The following GATAD2B variants were observed in gnomAD, a reference collection of about 807,000 sequenced individuals.
The protein encoded by GATAD2B is GATA zinc finger domain containing 2B.
A neutral mutation model predicts 64.3 loss-of-function variants in GATAD2B; 8 were observed. The ratio of observed to expected loss-of-function variants is 0.12; its 90% CI spans 0.07 to 0.22. The LOEUF is 0.22. Among genes scored for constraint, GATAD2B ranks in the 10% least tolerant of loss-of-function variants. GATAD2B has a pLI of 1.00. For synonymous variants in GATAD2B, 281 were observed against 271.3 expected, an observed-to-expected ratio of 1.04 and a Z score of -0.35; for missense variants, 453 against 752.0, an observed-to-expected ratio of 0.60 and a Z score of 4.65.
chr1:153,920,203 A>G (rs1678388308), intron 1 of GATAD2B, among the ~76,000 whole-genome samples: 1 of 152,228 alleles, frequency 6.6e-6, no homozygotes, highest in African/African-American at 2.4e-5. Flanking sequence ...TTTACATGCA[A>G]CACACAAGAC....
At chr1:153,899,719 A>G (rs1677710369) in intron 1 of GATAD2B, among the ~76,000 whole-genome samples, 1 of 152,190 alleles carries the variant, frequency 6.6e-6, no homozygotes, top group Non-Finnish European at 1.5e-5. Context: ...TTGAAGACAG[A>G]CAGTTCTCAT....
At position 153,866,908 on chromosome 1, in the gene GATAD2B, G is replaced by A. The variant is rs542525206; in HGVS notation, c.-1-38560C>T. Among the ~76,000 whole-genome samples the A allele has an allele frequency of 3.3e-5, 5 of 152,218 alleles. No individual in the cohort carries two copies. In the East Asian group the frequency reaches 9.6e-4, roughly 29 times the overall value. ...AGATTCTCCTGCCTCAGCCTCCTAA[G>A]TAGCTGGGATTATAGGCGCACACCA... On this transcript the variant is annotated intron_variant, in intron 1 of 10. Transcript: ENST00000368655.
chr1:153,886,934 T>C (rs1293925492), intron 1 of GATAD2B, among the ~76,000 whole-genome samples: 2 of 152,128 alleles, frequency 1.3e-5, no homozygotes, highest in East Asian at 1.9e-4. Flanking sequence ...CTTAAAATTA[T>C]TCACTGGTGT....
At chr1:153,902,403 C>G (rs1266874492) in intron 1 of GATAD2B, among the ~76,000 whole-genome samples, 3 of 152,102 alleles carry the variant, frequency 2.0e-5, no homozygotes, top group Non-Finnish European at 4.4e-5. Flanking sequence ...GTACTTGTTC[C>G]TAATATGCAA....
chr1:153,905,889 A>G (rs1677912382), intron 1 of GATAD2B, among the ~76,000 whole-genome samples: 1 of 151,780 alleles, frequency 6.6e-6, no homozygotes, highest in Non-Finnish European at 1.5e-5. Flanking sequence ...CAACATGGTG[A>G]AACCCTACCT....
chr1:153,815,795 G>A (rs933736124), intron 7 of GATAD2B, among the ~76,000 whole-genome samples: 1 of 152,202 alleles, frequency 6.6e-6, no homozygotes, highest in African/African-American at 2.4e-5. Context: ...GCTCATGCCT[G>A]TAATCCTAGC....
intron 1 of GATAD2B, among the ~76,000 whole-genome samples, chr1:153,881,693 C>T (rs1677014907): frequency 1.3e-5 from 2 of 152,062 alleles, no homozygotes; most frequent in Non-Finnish European, 2.9e-5. Context: ...CCGTTCCTTC[C>T]TCTAGCTTCC....
chr1:153,855,616 T>C (rs961076943), intron 1 of GATAD2B, among the ~76,000 whole-genome samples: 2 of 152,234 alleles, frequency 1.3e-5, no homozygotes, highest in East Asian at 1.9e-4. Context: ...CAGAAAGTCA[T>C]TAAGTCTAAA....
intron 1 of GATAD2B, among the ~76,000 whole-genome samples, chr1:153,867,000 G>C (rs1393577997): frequency 6.6e-6 from 1 of 152,078 alleles, no homozygotes; most frequent in East Asian, 1.9e-4. Flanking sequence ...GGATGGTCTT[G>C]ATCTCCTGAT....
chr1:153,859,783 ACAATGTTCCTTT>A (rs1361282084), intron 1 of GATAD2B, among the ~76,000 whole-genome samples: 2 of 152,044 alleles, frequency 1.3e-5, no homozygotes, highest in Non-Finnish European at 2.9e-5. Context: ...ATGATGATTA[ACAATGTTCCTTT>A]CACCTTTAAT....
intron 1 of GATAD2B, chr1:153,853,012 A>G (rs745463125): frequency 1.2e-5 from 15 of 1,278,172 alleles, no homozygotes; most frequent in Non-Finnish European, 1.7e-5. Context: ...GGTCTTGTCC[A>G]TCAACCCTGT....
At chr1:153,920,117 C>T (rs1356741446) in intron 1 of GATAD2B, among the ~76,000 whole-genome samples, 1 of 152,210 alleles carries the variant, frequency 6.6e-6, no homozygotes, top group Non-Finnish European at 1.5e-5. Flanking sequence ...CTGCTGTTTT[C>T]CTCCACATGC....
At chr1:153,876,767 C>G (rs1488836025) in intron 1 of GATAD2B, among the ~76,000 whole-genome samples, 1 of 152,190 alleles carries the variant, frequency 6.6e-6, no homozygotes, top group Non-Finnish European at 1.5e-5. Context: ...CTTTGGGAGG[C>G]CAAGGCGGGC....
intron 1 of GATAD2B, among the ~76,000 whole-genome samples, chr1:153,835,764 C>A (rs1249598732): frequency 6.6e-6 from 1 of 152,130 alleles, no homozygotes; most frequent in Admixed American, 6.6e-5. Context: ...GCTCTGTCGT[C>A]CAGGCTGGAG....
At chr1:153,850,819 G>A (rs1233007155) in intron 1 of GATAD2B, among the ~76,000 whole-genome samples, 2 of 151,910 alleles carry the variant, frequency 1.3e-5, no homozygotes, top group Admixed American at 6.6e-5. Context: ...TACTCAGGAG[G>A]CTGCGGCAGG....
intron 1 of GATAD2B, among the ~76,000 whole-genome samples, chr1:153,844,824 A>G (rs1260562018): frequency 6.6e-6 from 1 of 150,468 alleles, no homozygotes; most frequent in Non-Finnish European, 1.5e-5. Flanking sequence ...ATGACGAGTT[A>G]GTGGGTGCAG....
At chr1:153,881,842 T>C (rs1466229912) in intron 1 of GATAD2B, among the ~76,000 whole-genome samples, 1 of 151,980 alleles carries the variant, frequency 6.6e-6, no homozygotes, top group Non-Finnish European at 1.5e-5. Flanking sequence ...TCTTTCTCTG[T>C]TCTATCGTCT....
intron 1 of GATAD2B, among the ~76,000 whole-genome samples, chr1:153,877,752 C>T (rs1676881852): frequency 6.6e-6 from 1 of 151,858 alleles, no homozygotes; most frequent in Non-Finnish European, 1.5e-5. Flanking sequence ...GTGGCACATG[C>T]TTATAATCCC....
chr1:153,815,397 T>C (rs183636551), intron 7 of GATAD2B, among the ~76,000 whole-genome samples: 2 of 151,894 alleles, frequency 1.3e-5, no homozygotes, highest in East Asian at 3.9e-4. Flanking sequence ...GTCCTCAATG[T>C]TGTTGACAGG....
Sources: gnomAD v4.1 joint callset for allele counts (sites outside exome capture counted in the v4.1 genomes callset) on GRCh38, gnomAD v4.1.1 for gene constraint, MANE v1.5 for transcripts, NCBI Gene and HGNC (gene_info 2026-07-23, HGNC 2026-07-21) for gene names.